The following PDZRN4 variants were observed in gnomAD, a reference collection of about 807,000 sequenced individuals.
The protein encoded by PDZRN4 is PDZ domain containing ring finger 4, also known as PDZ domain-containing RING finger protein 4.
In PDZRN4, 70 loss-of-function variants were observed where a neutral mutation model predicts 99.0. That is an observed-to-expected ratio of 0.71 (90% confidence interval 0.58 to 0.86). The LOEUF is 0.86. Among genes scored for constraint, PDZRN4 ranks in the 40% least tolerant of loss-of-function variants. The probability of loss-of-function intolerance (pLI) is 0.00; values close to 1 mark genes in which losing one functional copy is unlikely to be tolerated. For synonymous variants in PDZRN4, 551 were observed against 501.6 expected, an observed-to-expected ratio of 1.10 and a Z score of -1.32; for missense variants, 1,474 against 1,331.2, an observed-to-expected ratio of 1.11 and a Z score of -1.67.
chr12:41,291,180 C>G (rs1364099832), intron 3 of PDZRN4, among the ~76,000 whole-genome samples: 2 of 151,946 alleles, frequency 1.3e-5, no homozygotes, highest in Non-Finnish European at 2.9e-5. Flanking sequence ...TTTTATTTTA[C>G]TTGGTTTCTA....
At chr12:41,363,266 G>T (rs995168481) in intron 3 of PDZRN4, among the ~76,000 whole-genome samples, 6 of 152,054 alleles carry the variant, frequency 3.9e-5, no homozygotes, top group Non-Finnish European at 7.4e-5. Flanking sequence ...CATGACTGAA[G>T]CAGAGGAGCT....
intron 5 of PDZRN4, among the ~76,000 whole-genome samples, chr12:41,537,766 T>A (rs1013980810): frequency 2.6e-5 from 4 of 150,952 alleles, no homozygotes; most frequent in African/African-American, 9.8e-5. Context: ...ACAGAGGGAG[T>A]AGAAAGTAAG....
At chr12:41,231,116 G>T (rs1017971930) in intron 3 of PDZRN4, among the ~76,000 whole-genome samples, 3 of 152,120 alleles carry the variant, frequency 2.0e-5, no homozygotes, top group African/African-American at 4.8e-5. Context: ...AACTCACATT[G>T]CCTCCTATAG....
intron 3 of PDZRN4, among the ~76,000 whole-genome samples, chr12:41,433,395 TGG>T (rs1952601384): frequency 1.3e-5 from 2 of 152,222 alleles, no homozygotes; most frequent in African/African-American, 2.4e-5. Flanking sequence ...ACAGTCTCTC[TGG>T]GCCTCAGGTT....
At chr12:41,321,660 GT>G (rs575284453) in intron 3 of PDZRN4, among the ~76,000 whole-genome samples, 1 of 151,914 alleles carries the variant, frequency 6.6e-6, no homozygotes, top group Admixed American at 6.6e-5. Context: ...TTTGGTTTTG[GT>G]TTTTTGGATG....
At chr12:41,377,265 C>T (rs1047895385) in intron 3 of PDZRN4, among the ~76,000 whole-genome samples, 3 of 152,130 alleles carry the variant, frequency 2.0e-5, no homozygotes, top group Admixed American at 2.0e-4. Context: ...TGAAAAATCT[C>T]ATTAGGATTT....
chr12:41,345,887 G>T (rs536115101), intron 3 of PDZRN4, among the ~76,000 whole-genome samples: 2 of 152,080 alleles, frequency 1.3e-5, no homozygotes, highest in African/African-American at 4.8e-5. Flanking sequence ...GTATGACAGT[G>T]AATATCAAGT....
At chr12:41,442,533 G>A (rs1274813272) in intron 3 of PDZRN4, among the ~76,000 whole-genome samples, 1 of 152,092 alleles carries the variant, frequency 6.6e-6, no homozygotes, top group Non-Finnish European at 1.5e-5. Context: ...GGACTCACCA[G>A]GATGCCCTGC....
At chr12:41,477,614 CT>C (rs928339478) in intron 3 of PDZRN4, among the ~76,000 whole-genome samples, 1 of 152,068 alleles carries the variant, frequency 6.6e-6, no homozygotes, top group Non-Finnish European at 1.5e-5. Context: ...GCAAAAGGTT[CT>C]TTTTACTACA....
intron 3 of PDZRN4, among the ~76,000 whole-genome samples, chr12:41,204,654 C>A (rs1950836416): frequency 6.6e-6 from 1 of 152,024 alleles, no homozygotes; most frequent in Non-Finnish European, 1.5e-5. Flanking sequence ...CCTGTGAGAA[C>A]TCACTCACTA....
At chr12:41,500,875 T>C (rs1395975384) in intron 3 of PDZRN4, among the ~76,000 whole-genome samples, 1 of 152,092 alleles carries the variant, frequency 6.6e-6, no homozygotes, top group Admixed American at 6.6e-5. Flanking sequence ...ATTTAAATAT[T>C]GTTTCTTCCT....
intron 3 of PDZRN4, among the ~76,000 whole-genome samples, chr12:41,449,492 G>T (rs1291451770): frequency 6.6e-6 from 1 of 152,126 alleles, no homozygotes; most frequent in African/African-American, 2.4e-5. Context: ...TGACACAATA[G>T]CATAATAAGA....
intron 5 of PDZRN4, among the ~76,000 whole-genome samples, chr12:41,537,148 C>CCA (rs1938762410): frequency 6.6e-6 from 1 of 152,094 alleles, no homozygotes; most frequent in South Asian, 2.1e-4. Context: ...TCCCTGTCTT[C>CCA]CATTAAAACA....
At chr12:41,394,765 C>T (rs1382424557) in intron 3 of PDZRN4, among the ~76,000 whole-genome samples, 1 of 150,368 alleles carries the variant, frequency 6.7e-6, no homozygotes. Flanking sequence ...AAGCTGGCTT[C>T]TCTTAGAGTA....
chr12:41,376,485 T>G (rs185893284), intron 3 of PDZRN4, among the ~76,000 whole-genome samples: 180 of 152,296 alleles, frequency 1.2e-3, no homozygotes, highest in Non-Finnish European at 1.5e-3. Context: ...GTCACTTATA[T>G]TGAATATATT....
chr12:41,344,108 T>A (rs1179268999), intron 3 of PDZRN4, among the ~76,000 whole-genome samples: 3 of 152,152 alleles, frequency 2.0e-5, no homozygotes, highest in Admixed American at 6.5e-5. Context: ...TGAGTTAGAA[T>A]CTATACTGGT....
chr12:41,464,666 A>G (rs1032838361), intron 3 of PDZRN4, among the ~76,000 whole-genome samples: 2 of 152,150 alleles, frequency 1.3e-5, no homozygotes, highest in African/African-American at 2.4e-5. Context: ...TTTCTCTTTA[A>G]TTCATTCATC....
At position 41,574,242 on chromosome 12, in the gene PDZRN4, A is replaced by G. The variant is rs555576129; in HGVS notation, c.*352A>G. ...AGTGAAAATCTGGATTTATTTCTCT[A>G]GTTTACTTATTTTCTACTTTAATAA... On this transcript the variant is annotated 3_prime_UTR_variant, in exon 10 of 10. Transcript: ENST00000402685. 1 of 164,388 alleles carries G rather than the reference A, an allele frequency of 6.1e-6. No individual in the cohort carries two copies. Among genetic ancestry groups the G allele is most frequent in the South Asian group, 2.0e-4 (1 of 4,948 alleles). The allele number at this position is 164,388 out of a possible 1,614,324, so 10.2% of individuals were successfully genotyped here.
At chr12:41,230,901 C>T (rs1951024113) in intron 3 of PDZRN4, among the ~76,000 whole-genome samples, 1 of 152,012 alleles carries the variant, frequency 6.6e-6, no homozygotes, top group Non-Finnish European at 1.5e-5. Flanking sequence ...ACAAGAAAAT[C>T]TGTATTTCAG....
Sources: gnomAD v4.1 joint callset for allele counts (sites outside exome capture counted in the v4.1 genomes callset) on GRCh38, gnomAD v4.1.1 for gene constraint, MANE v1.5 for transcripts, NCBI Gene and HGNC (gene_info 2026-07-23, HGNC 2026-07-21) for gene names.